RIMS1: variants seen among roughly 807,000 people sequenced by gnomAD.
RIMS1 encodes the protein regulating synaptic membrane exocytosis protein 1.
RIMS1 carries 83 observed loss-of-function variants against 214.1 expected under a neutral mutation model. That is an observed-to-expected ratio of 0.39 (90% CI 0.32 to 0.47). The LOEUF (loss-of-function observed/expected upper bound fraction) is 0.47. Among genes scored for constraint, RIMS1 ranks in the 20% least tolerant of loss-of-function variants. RIMS1 has a pLI of 0.99. For missense variants in RIMS1, 2,050 were observed against 2,161.8 expected, an observed-to-expected ratio of 0.95 and a Z score of 1.03; for synonymous variants, 793 against 786.8, an observed-to-expected ratio of 1.01 and a Z score of -0.13.
intron 2 of RIMS1, among the ~76,000 whole-genome samples, chr6:72,064,896 T>C (rs1246685178): frequency 1.3e-5 from 2 of 152,334 alleles, no homozygotes; most frequent in East Asian, 1.9e-4. Context: ...TTTTTTCTAG[T>C]GTATGCCTTT....
intron 2 of RIMS1, among the ~76,000 whole-genome samples, chr6:72,093,905 T>C (rs1285182269): frequency 1.3e-5 from 2 of 152,190 alleles, no homozygotes; most frequent in Non-Finnish European, 2.9e-5. Context: ...AGAACCTCAG[T>C]ACATGTTTCT....
At chr6:72,103,270 T>G (rs2153811519) in intron 4 of RIMS1, among the ~76,000 whole-genome samples, 1 of 152,236 alleles carries the variant, frequency 6.6e-6, no homozygotes, top group East Asian at 1.9e-4. Context: ...CTGTGAATTT[T>G]TAATGACAAA....
chr6:72,313,678 T>A lies in RIMS1; in HGVS notation c.4130+6T>A, dbSNP rs771107216. 6.2e-7 allele frequency: 1 copy of A among 1,608,078 alleles called. No individual in the cohort carries two copies. Among genetic ancestry groups the A allele is most frequent in the East Asian group, 2.2e-5 (1 of 44,766 alleles). On this transcript the variant is annotated splice_donor_region_variant and intron_variant, in intron 28 of 33. Coordinates refer to ENST00000521978, the MANE Select transcript of RIMS1 (RefSeq NM_014989.7). ...CGCCCCAGGGGTAGAATCAGGTGAG[T>A]TGGCAATACTGTTTATATAAACTGG...
intron 2 of RIMS1, among the ~76,000 whole-genome samples, chr6:72,008,663 G>A (rs577783966): frequency 2.2e-3 from 339 of 152,102 alleles, no homozygotes; most frequent in Middle Eastern, 0.01. Context: ...AAAAAGGCAG[G>A]GGTTGCAATC....
At position 72,030,622 on chromosome 6, in the gene RIMS1, A is replaced by G. The variant is rs554660196; in HGVS notation, c.245+61559A>G. On this transcript the variant is annotated intron_variant, in intron 2 of 33. Coordinates refer to ENST00000521978, the MANE Select transcript of RIMS1 (RefSeq NM_014989.7). ...TACACAATTACATTTTAATTATTAT[A>G]ATAAACTTGAGATTTAGTTTTTAAG... 9.9e-5 allele frequency among the ~76,000 whole-genome samples: 15 copies of G among 152,226 alleles called. No homozygotes were observed. The South Asian group carries it at 2.9e-3, about 29-fold the overall frequency.
At chr6:72,302,348 ATCTT>A (rs2094706696) in intron 26 of RIMS1, among the ~76,000 whole-genome samples, 1 of 151,740 alleles carries the variant, frequency 6.6e-6, no homozygotes, top group Non-Finnish European at 1.5e-5. Context: ...CAAATAAACC[ATCTT>A]TCTTGATATA....
Position 72,400,738 on chromosome 6 carries a change from A to C in RIMS1, c.*24A>C. On this transcript the variant is annotated 3_prime_UTR_variant, in exon 34 of 34. Coordinates refer to ENST00000521978, the MANE Select transcript of RIMS1 (RefSeq NM_014989.7). ...AGTGAACTCATACCAGAGTCATTCC[A>C]ATAAAACTCTACTTTTCAGGATAAT... 6.6e-7 allele frequency: 1 copy of C among 1,516,690 alleles called. No individual in the cohort carries two copies. Among genetic ancestry groups the C allele is most frequent in the Non-Finnish European group, 9.1e-7 (1 of 1,096,884 alleles). The allele number at this position is 1,516,690 out of a possible 1,614,324, so 94.0% of individuals were successfully genotyped here.
chr6:72,255,629 T>C (rs1255460287), intron 16 of RIMS1, among the ~76,000 whole-genome samples: 5 of 152,260 alleles, frequency 3.3e-5, no homozygotes, highest in Admixed American at 3.3e-4. Flanking sequence ...AAAATAACCA[T>C]ATACAGAATG....
chr6:72,030,190 A>G (rs954168914), intron 2 of RIMS1, among the ~76,000 whole-genome samples: 1 of 152,144 alleles, frequency 6.6e-6, no homozygotes, highest in Non-Finnish European at 1.5e-5. Context: ...GCAGAGTTTG[A>G]TTCATTAGGA....
At chr6:72,192,078 C>T (rs183042560) in intron 6 of RIMS1, among the ~76,000 whole-genome samples, 39 of 152,340 alleles carry the variant, frequency 2.6e-4, no homozygotes, top group Middle Eastern at 3.4e-3. Context: ...CTGCTAAGTA[C>T]GTCTGTGCCA....
At position 72,211,128 on chromosome 6, in the gene RIMS1, A is replaced by G. The variant is rs2053738186; in HGVS notation, c.1679-22645A>G. On this transcript the variant is annotated intron_variant, in intron 6 of 33. Coordinates refer to ENST00000521978, the MANE Select transcript of RIMS1 (RefSeq NM_014989.7). ...CTACTACTGGTTGTAAAGATTAAGA[A>G]TCTTGGTATTACTAAAAGGATCTGG... 2.0e-5 allele frequency among the ~76,000 whole-genome samples: 3 copies of G among 152,198 alleles called. No homozygotes were observed. In the South Asian group the frequency reaches 6.2e-4, roughly 32 times the overall value.
At chr6:72,078,387 C>G (rs151302958) in intron 2 of RIMS1, among the ~76,000 whole-genome samples, 145 of 152,254 alleles carry the variant, frequency 9.5e-4, no homozygotes, top group Middle Eastern at 3.4e-3. Flanking sequence ...TGAGCTCTCC[C>G]TATTTCTCTC....
intron 29 of RIMS1, among the ~76,000 whole-genome samples, chr6:72,346,796 A>T (rs2097280452): frequency 6.6e-6 from 1 of 151,886 alleles, no homozygotes; most frequent in Non-Finnish European, 1.5e-5. Context: ...ACATAGTTTT[A>T]TTGAAATACA....
intron 1 of RIMS1, among the ~76,000 whole-genome samples, chr6:71,929,619 C>A (rs543694913): frequency 2.6e-5 from 4 of 151,970 alleles, no homozygotes; most frequent in African/African-American, 9.6e-5. Context: ...CCATTTTAAT[C>A]AGAAGGGAGA....
chr6:71,986,422 G>T (rs976429279), intron 2 of RIMS1, among the ~76,000 whole-genome samples: 1 of 152,184 alleles, frequency 6.6e-6, no homozygotes, highest in Non-Finnish European at 1.5e-5. Context: ...AGGACAACCA[G>T]ATAGAAGGCT....
At chr6:72,298,663 AC>A (rs2094329946) in intron 26 of RIMS1, among the ~76,000 whole-genome samples, 1 of 151,982 alleles carries the variant, frequency 6.6e-6, no homozygotes, top group African/African-American at 2.4e-5. Context: ...GTGAGGCAGA[AC>A]CAGATTTTGA....
At chr6:72,201,104 G>GATT (rs2051910281) in intron 6 of RIMS1, among the ~76,000 whole-genome samples, 1 of 152,052 alleles carries the variant, frequency 6.6e-6, no homozygotes, top group Non-Finnish European at 1.5e-5. Context: ...AATCTAACAT[G>GATT]ATTATACCCA....
chr6:72,066,110 C>T (rs539325175), intron 2 of RIMS1, among the ~76,000 whole-genome samples: 6 of 152,258 alleles, frequency 3.9e-5, no homozygotes, highest in African/African-American at 1.4e-4. Flanking sequence ...AGTATGTGGA[C>T]AACCTCCTTT....
intron 3 of RIMS1, among the ~76,000 whole-genome samples, chr6:72,099,228 G>C (rs557843384): frequency 6.6e-6 from 1 of 152,218 alleles, no homozygotes; most frequent in Admixed American, 6.5e-5. Context: ...AAAAGGAGAG[G>C]GTGTTTAAAG....
Sources: allele counts gnomAD v4.1 joint callset (sites outside exome capture counted in the v4.1 genomes callset), GRCh38; gene constraint gnomAD v4.1.1; transcripts MANE v1.5; gene names NCBI Gene and HGNC (gene_info 2026-07-23, HGNC 2026-07-21).